The following SPPL2B variants were observed in gnomAD, a reference collection of about 807,000 sequenced individuals.
SPPL2B encodes the protein signal peptide peptidase-like 2B.
A neutral mutation model predicts 59.7 loss-of-function variants in SPPL2B; 39 were observed. The observed-to-expected ratio is 0.65, with a 90% CI of 0.51 to 0.85. The LOEUF (loss-of-function observed/expected upper bound fraction) is 0.85, where lower values mean the gene tolerates loss of function less well. Among genes scored for constraint, SPPL2B ranks in the 40% least tolerant of loss-of-function variants. SPPL2B has a pLI of 0.00. For synonymous variants in SPPL2B, 419 were observed against 370.8 expected (o/e 1.13, Z -1.49); for missense variants, 865 against 849.0 (o/e 1.02, Z -0.23).
Position 2,339,892 on chromosome 19 carries a change from C to A in SPPL2B, c.668C>A (p.Pro223Gln). 6.3e-7 allele frequency: 1 copy of A among 1,589,096 alleles called. No individual in the cohort carries two copies. Among genetic ancestry groups the A allele is most frequent in the Non-Finnish European group, 8.6e-7 (1 of 1,167,814 alleles). ...GAGGACGAGGCGGTGGACGTGACGC[C>A]GGTGATGACCTGCGTGTTTGTGGTG... ...KQEDEAVDVT[P>Q]VMTCVFVVMC... is the part of the protein sequence containing the mutation. Residue 223 changes from proline (P) to glutamine (Q), a missense_variant, in exon 6 of 15, where the codon CCG becomes CAG. Physicochemically the swap from Pro to Gln is moderately conservative, Grantham distance 76. Coordinates refer to ENST00000613503, the MANE Select transcript of SPPL2B (RefSeq NM_152988.3).
intron 8 of SPPL2B, chr19:2,341,557 G>T: frequency 2.2e-6 from 1 of 453,548 alleles, no homozygotes; most frequent in Non-Finnish European, 4.5e-6. Flanking sequence ...CTGGTGCCGT[G>T]TTGGGAGGAC....
chr19:2,333,119 C>T (rs1488082512), intron 1 of SPPL2B, among the ~76,000 whole-genome samples: 1 of 64,266 alleles, frequency 1.6e-5, no homozygotes, highest in East Asian at 3.5e-4. Context: ...ATGGCAGGTG[C>T]AGGCGGCTGG....
chr19:2,353,413 G>A lies in SPPL2B; in HGVS notation c.*204G>A. On this transcript the variant is annotated 3_prime_UTR_variant, in exon 15 of 15. Coordinates refer to ENST00000613503, the MANE Select transcript of SPPL2B (RefSeq NM_152988.3). ...GCCCAGCTGCCCCGGCTGCACGCCT[G>A]CTGCTCCCAGCTCGCCCGGCTGCCA... 4.8e-6 allele frequency: 3 copies of A among 618,870 alleles called. No individual in the cohort carries two copies. The highest frequency in any genetic ancestry group is 3.3e-5 in the Admixed American group (1 of 30,566). The allele number at this position is 618,870 out of a possible 1,614,324, so 38.3% of individuals were successfully genotyped here. A position where few individuals can be genotyped will look rare whatever the true frequency, so the allele number is the denominator to read the frequency against.
chr19:2,341,117 C>G (rs1969014549), intron 8 of SPPL2B, 103 bp downstream of exon 8: 2 of 811,758 alleles, frequency 2.5e-6, no homozygotes, highest in African/African-American at 3.4e-5. Flanking sequence ...CCGCCCCAGC[C>G]TGGAGCTGCT....
chr19:2,339,211 G>A lies in SPPL2B; in HGVS notation c.599+3G>A, dbSNP rs1156492786. 1 of 1,602,722 alleles carries A rather than the reference G, an allele frequency of 6.2e-7. No individual in the cohort carries two copies. Among genetic ancestry groups the A allele is most frequent in the East Asian group, 2.3e-5 (1 of 44,320 alleles). ...GCCGGGAGTCGGGACGTGAAGAAGTGAGTTTCGCATCGTGCGTGTGCTGTG... is the reference window on the plus strand; with the variant it reads ...GCCGGGAGTCGGGACGTGAAGAAGTAAGTTTCGCATCGTGCGTGTGCTGTG... On this transcript the variant is annotated splice_donor_region_variant and intron_variant, in intron 5 of 14. Coordinates refer to ENST00000613503, the MANE Select transcript of SPPL2B (RefSeq NM_152988.3).
chr19:2,351,874 G>A (rs1162631318), intron 14 of SPPL2B, among the ~76,000 whole-genome samples: 14 of 151,800 alleles, frequency 9.2e-5, no homozygotes, highest in Admixed American at 7.9e-4. Context: ...CGGGTGGGAC[G>A]CGGGGGTGCC....
chr19:2,350,383 A>C, intron 13 of SPPL2B, among the ~76,000 whole-genome samples: 2 of 133,118 alleles, frequency 1.5e-5, no homozygotes, highest in Non-Finnish European at 3.1e-5. Flanking sequence ...CTCCACACAC[A>C]CTCGCGTTCT....
intron 13 of SPPL2B, among the ~76,000 whole-genome samples, chr19:2,347,401 A>ACACT (rs754542142): frequency 2.5e-4 from 5 of 20,234 alleles, no homozygotes; most frequent in Non-Finnish European, 2.7e-4. Flanking sequence ...CTCTCTCCAC[A>ACACT]CACGCGCTCT....
rs1245788387 is a variant in SPPL2B at position 2,337,497 on chromosome 19, C to T, written c.241C>T (p.Leu81Phe). 1 of 1,613,290 alleles carries T rather than the reference C, an allele frequency of 6.2e-7. No homozygotes were observed. The highest frequency in any genetic ancestry group is 8.5e-7 in the Non-Finnish European group (1 of 1,179,638). Reference protein sequence around the residue: ...TASLLCSAADLPARGFSNQIP... With the variant: ...TASLLCSAADFPARGFSNQIP... ...CTCCCTGCTCTGCTCCGCAGCCGAC[C>T]TCCCCGCCCGTGGCTTCAGCAACCA... Residue 81 changes from leucine to phenylalanine, a missense_variant, in exon 3 of 15, where the codon CTC (leucine) becomes TTC (phenylalanine). Coordinates refer to ENST00000613503, the MANE Select transcript of SPPL2B (RefSeq NM_152988.3).
At position 2,337,569 on chromosome 19, in the gene SPPL2B, A is replaced by T. The variant is rs1968727733; in HGVS notation, c.313A>T (p.Arg105Trp). 1 of 1,610,460 alleles carries T rather than the reference A, an allele frequency of 6.2e-7. No individual in the cohort carries two copies. Among genetic ancestry groups the T allele is most frequent in the Admixed American group, 1.7e-5 (1 of 59,908 alleles). The change falls in exon 3 of 15, where the codon AGG (arginine) becomes TGG (tryptophan). Residue 105 changes from arginine (R) to tryptophan (W), a missense_variant. Physicochemically the swap from Arg to Trp is moderately radical, Grantham distance 101 (BLOSUM62 -3). Coordinates refer to ENST00000613503, the MANE Select transcript of SPPL2B (RefSeq NM_152988.3). Reference protein sequence around the residue: ...RGNCTFYEKVRLAQGSGARGL... With the variant: ...RGNCTFYEKVWLAQGSGARGL... ...GAACTGCACCTTCTATGAGAAAGTG[A>T]GGCTGGCCCAGGGCAGCGGAGCACG...
chr19:2,351,196 A>G (rs1217017255), intron 13 of SPPL2B, among the ~76,000 whole-genome samples: 3 of 151,632 alleles, frequency 2.0e-5, no homozygotes, highest in Non-Finnish European at 4.4e-5. Flanking sequence ...TGGCCCTTCC[A>G]TGTCCTCGGT....
intron 7 of SPPL2B, chr19:2,340,569 G>T: frequency 1.8e-6 from 1 of 550,954 alleles, no homozygotes; most frequent in Non-Finnish European, 3.3e-6. Flanking sequence ...AGGAAGCGGG[G>T]CTAGCCCAGG....
rs1969310752 is a variant in SPPL2B at position 2,345,439 on chromosome 19, T to A, written c.1354+109T>A. 5 of 896,664 alleles carry A rather than the reference T, an allele frequency of 5.6e-6. No homozygotes were observed. The Admixed American group carries it at 6.1e-5, about 11-fold the overall frequency. 55.5% of individuals were successfully genotyped at this position (896,664 alleles called of 1,614,324 possible). On this transcript the variant is annotated intron_variant, in intron 13 of 14. Transcript: ENST00000613503. ...ACCCCAACCCCAACCCTAACCCTAA[T>A]TCCAACTCTAACACCGTAACCATAA...
rs540423844 is a variant in SPPL2B at position 2,350,949 on chromosome 19, G to C, written c.1355-485G>C. 2.0e-3 allele frequency among the ~76,000 whole-genome samples: 307 copies of C among 152,326 alleles called. 2 individuals carry two copies. The highest frequency in any genetic ancestry group is 6.7e-3 in the African/African-American group (280 of 41,576). ...GGCACGGCCCCGGTGGGTGGACACC[G>C]TGCCCTTTGACCCCAAACATTTCAC... is the stretch of plus-strand genomic sequence containing the variant. On this transcript the variant is annotated intron_variant, in intron 13 of 14. Coordinates refer to ENST00000613503, the MANE Select transcript of SPPL2B (RefSeq NM_152988.3).
At chr19:2,337,292 G>A (rs1968705889) in intron 2 of SPPL2B, 151 bp from the exon 3 acceptor site, 1 of 669,090 alleles carries the variant, frequency 1.5e-6, no homozygotes, top group Non-Finnish European at 2.4e-6. Context: ...CTGCAGTAGG[G>A]ATGGCTCTGC....
chr19:2,353,928 C>G lies in SPPL2B; in HGVS notation c.*719C>G, dbSNP rs1427000361. 3.9e-5 allele frequency: 6 copies of G among 152,394 alleles called. No individual in the cohort carries two copies. Among genetic ancestry groups the G allele is most frequent in the African/African-American group, 1.4e-4 (6 of 41,470 alleles). 9.4% of individuals were successfully genotyped at this position (152,394 alleles called of 1,614,324 possible). A position where few individuals can be genotyped will look rare whatever the true frequency, so the allele number is the denominator to read the frequency against. ...CCATTTTAATAAATGGTCGCAACTT[C>G]TAGAAGTCCTGCTGGTGCCACCTGG... On this transcript the variant is annotated 3_prime_UTR_variant, in exon 15 of 15. Transcript: ENST00000613503.
In SPPL2B at chr19:2,341,004, A is replaced by C; in HGVS notation, c.946A>C (p.Asn316His). Residue 316 changes from asparagine to histidine, a missense_variant, in exon 8 of 15, where the codon AAC (asparagine) becomes CAC (histidine). Asn to His is a moderately conservative substitution (Grantham distance 68, BLOSUM62 1). Transcript: ENST00000613503. ...AVSVVWGVFR[N>H]EDQWAWVLQD... is the part of the protein sequence containing the mutation. Reference sequence around the variant, plus strand: ...CAGCGTGGTGTGGGGCGTCTTCCGCAACGAGGACCAGTAAGTGCTGCTTCC... The same window carrying C: ...CAGCGTGGTGTGGGGCGTCTTCCGCCACGAGGACCAGTAAGTGCTGCTTCC... 1 of 1,603,636 alleles carries C rather than the reference A, an allele frequency of 6.2e-7. No homozygotes were observed.
intron 14 of SPPL2B, among the ~76,000 whole-genome samples, chr19:2,352,417 G>T (rs576105542): frequency 6.6e-6 from 1 of 152,178 alleles, no homozygotes; most frequent in Non-Finnish European, 1.5e-5. Flanking sequence ...TGCTGGCCGC[G>T]CATGGGGTCC....
At chr19:2,343,530 G>A (rs1198254092) in intron 9 of SPPL2B, among the ~76,000 whole-genome samples, 1 of 152,184 alleles carries the variant, frequency 6.6e-6, no homozygotes, top group Non-Finnish European at 1.5e-5. Context: ...CTCATGTCTA[G>A]ATGAGGTGGT....
Sources: gnomAD v4.1 joint callset for allele counts (sites outside exome capture counted in the v4.1 genomes callset) on GRCh38, gnomAD v4.1.1 for gene constraint, MANE v1.5 for transcripts, NCBI Gene and HGNC (gene_info 2026-07-23, HGNC 2026-07-21) for gene names.